Variants in SEMA6D observed in about 807,000 individuals in gnomAD.
The protein encoded by SEMA6D is semaphorin 6D, also known as semaphorin-6D.
A neutral mutation model predicts 106.6 loss-of-function variants in SEMA6D; 35 were observed. The observed-to-expected ratio is 0.33, with a 90% CI of 0.25 to 0.44. The LOEUF is 0.44. SEMA6D is among the 20% of genes least tolerant of loss of function. SEMA6D has a pLI of 1.00. For synonymous variants in SEMA6D, 499 were observed against 487.7 expected (o/e 1.02, Z -0.31); for missense variants, 1,185 against 1,345.9 (o/e 0.88, Z 1.87).
intron 2 of SEMA6D, among the ~76,000 whole-genome samples, chr15:47,439,079 C>G (rs753801864): frequency 2.0e-5 from 3 of 151,980 alleles, no homozygotes; most frequent in Non-Finnish European, 2.9e-5. Context: ...GGAACCATAG[C>G]TTTTGTGAAT....
intron 1 of SEMA6D, among the ~76,000 whole-genome samples, chr15:47,248,802 C>T (rs768228119): frequency 4.1e-4 from 62 of 152,290 alleles, no homozygotes; most frequent in Middle Eastern, 3.4e-3. Context: ...TTCTGGGCAT[C>T]CTATCACTTC....
intron 1 of SEMA6D, among the ~76,000 whole-genome samples, chr15:47,346,594 C>G (rs2038056741): frequency 6.6e-6 from 1 of 152,026 alleles, no homozygotes; most frequent in African/African-American, 2.4e-5. Flanking sequence ...AAAGCCAATT[C>G]AAATTTAGAA....
At chr15:47,603,306 T>A (rs1323321734) in intron 4 of SEMA6D, 1 of 152,260 alleles carries the variant, frequency 6.6e-6, no homozygotes, top group Non-Finnish European at 1.5e-5. Flanking sequence ...CTCCATTTCT[T>A]CCTATGTGTT....
intron 2 of SEMA6D, among the ~76,000 whole-genome samples, chr15:47,436,812 T>C (rs1487476394): frequency 6.7e-6 from 1 of 148,496 alleles, no homozygotes; most frequent in Non-Finnish European, 1.5e-5. Flanking sequence ...TGCATGCCTA[T>C]AGTCCTAGCT....
intron 3 of SEMA6D, among the ~76,000 whole-genome samples, chr15:47,552,147 A>G (rs370435316): frequency 1.3e-5 from 2 of 152,286 alleles, no homozygotes; most frequent in African/African-American, 4.8e-5. Flanking sequence ...GCGATGAACT[A>G]TGGCACAGAC....
intron 3 of SEMA6D, among the ~76,000 whole-genome samples, chr15:47,564,362 T>G (rs536413118): frequency 5.3e-5 from 8 of 152,328 alleles, no homozygotes; most frequent in Admixed American, 2.6e-4. Context: ...ACTTAAACTC[T>G]AAGCCTCTAT....
chr15:47,759,244 G>A (rs1248742418), intron 1 of SEMA6D, among the ~76,000 whole-genome samples: 1 of 152,102 alleles, frequency 6.6e-6, no homozygotes, highest in Admixed American at 6.6e-5. Flanking sequence ...GTAATGCTGG[G>A]AATTTGGCAA....
Position 47,754,257 on chromosome 15 carries a change from A to G in SEMA6D, c.-54-5488A>G, listed in dbSNP as rs1338627844. On this transcript the variant is annotated intron_variant, in intron 1 of 18. Coordinates refer to ENST00000536845, the MANE Select transcript of SEMA6D (RefSeq NM_001358351.3). ...AAATACAAAATAAATTTTCTTTTAA[A>G]GTTTAAAAATTTGCATTAACCTTCC... Among the ~76,000 whole-genome samples, 3 of 152,154 alleles carry G rather than the reference A, an allele frequency of 2.0e-5. No individual in the cohort carries two copies. The East Asian group carries it at 5.8e-4, about 29-fold the overall frequency.
intron 3 of SEMA6D, among the ~76,000 whole-genome samples, chr15:47,571,050 A>G (rs1392532972): frequency 3.9e-5 from 6 of 152,184 alleles, no homozygotes; most frequent in East Asian, 1.9e-4. Context: ...GCTAGGAAAC[A>G]GCAAACTTGA....
At chr15:47,707,045 A>G (rs1401963993) in intron 4 of SEMA6D, among the ~76,000 whole-genome samples, 1 of 152,238 alleles carries the variant, frequency 6.6e-6, no homozygotes, top group African/African-American at 2.4e-5. Context: ...GAGAATTGGA[A>G]GTGATCTAAT....
intron 1 of SEMA6D, among the ~76,000 whole-genome samples, chr15:47,317,724 T>C (rs1227216894): frequency 6.6e-6 from 1 of 152,176 alleles, no homozygotes; most frequent in Non-Finnish European, 1.5e-5. Flanking sequence ...TCAGATATGA[T>C]TCTTATCTTT....
At chr15:47,549,586 A>G (rs916443712) in intron 3 of SEMA6D, among the ~76,000 whole-genome samples, 2 of 151,984 alleles carry the variant, frequency 1.3e-5, no homozygotes, top group African/African-American at 4.8e-5. Flanking sequence ...TTTAAATAGG[A>G]TTTTCAAAGA....
chr15:47,616,244 A>T (rs2077004591), intron 4 of SEMA6D, among the ~76,000 whole-genome samples: 1 of 151,992 alleles, frequency 6.6e-6, no homozygotes, highest in Non-Finnish European at 1.5e-5. Context: ...ATCTCAGCTA[A>T]CTGCAGCCTC....
At chr15:47,368,334 C>A (rs1021230773) in intron 1 of SEMA6D, among the ~76,000 whole-genome samples, 33 of 152,190 alleles carry the variant, frequency 2.2e-4, no homozygotes, top group African/African-American at 7.7e-4. Flanking sequence ...TCTCCAACAC[C>A]ATCATTAGGC....
At chr15:47,682,254 G>T (rs1380080338) in intron 4 of SEMA6D, among the ~76,000 whole-genome samples, 1 of 150,748 alleles carries the variant, frequency 6.6e-6, no homozygotes, top group Non-Finnish European at 1.5e-5. Context: ...TGCAAGCTCC[G>T]CCTCCCGGGT....
At chr15:47,467,845 A>C (rs1012989821) in intron 2 of SEMA6D, among the ~76,000 whole-genome samples, 2 of 152,178 alleles carry the variant, frequency 1.3e-5, no homozygotes, top group Non-Finnish European at 2.9e-5. Flanking sequence ...AGCAGAAAGA[A>C]GACCAGTTTG....
chr15:47,253,822 T>C (rs898653476), intron 1 of SEMA6D, among the ~76,000 whole-genome samples: 2 of 152,184 alleles, frequency 1.3e-5, no homozygotes, highest in Non-Finnish European at 2.9e-5. Context: ...TCAAGATTGC[T>C]TTGGCTATCC....
intron 2 of SEMA6D, among the ~76,000 whole-genome samples, chr15:47,437,502 A>G (rs1283256801): frequency 2.0e-5 from 3 of 152,130 alleles, no homozygotes; most frequent in Non-Finnish European, 4.4e-5. Flanking sequence ...ACACTTGCCT[A>G]CATAATATTA....
At chr15:47,504,478 A>G (rs1187370605) in intron 3 of SEMA6D, among the ~76,000 whole-genome samples, 1 of 149,796 alleles carries the variant, frequency 6.7e-6, no homozygotes, top group Non-Finnish European at 1.5e-5. Flanking sequence ...TTGCTCTATT[A>G]TGGTTGATGC....
Sources: gnomAD v4.1 joint callset for allele counts (sites outside exome capture counted in the v4.1 genomes callset) on GRCh38, gnomAD v4.1.1 for gene constraint, MANE v1.5 for transcripts, NCBI Gene and HGNC (gene_info 2026-07-23, HGNC 2026-07-21) for gene names.